Variants in UTRN observed in about 807,000 individuals in gnomAD.
The protein encoded by UTRN is dystrophin-related protein 1.
Under a neutral mutation model 463.9 loss-of-function variants are expected in UTRN, and 283 were observed. The observed-to-expected ratio is 0.61, with a 90% CI of 0.55 to 0.67. UTRN has a LOEUF of 0.67. UTRN is among the 30% of genes least tolerant of loss of function. UTRN has a pLI of 0.00. For synonymous variants in UTRN, 1,442 were observed against 1,431.5 expected, an observed-to-expected ratio of 1.01 and a Z score of -0.17; for missense variants, 3,922 against 4,084.3, an observed-to-expected ratio of 0.96 and a Z score of 1.08.
At chr6:144,700,353 C>T (rs9390198) in intron 53 of UTRN, 110 bp downstream of exon 53, 9 of 1,245,292 alleles carry the variant, frequency 7.2e-6, no homozygotes, top group Non-Finnish European at 8.5e-6. Context: ...ACAGGATTCC[C>T]CCCCCCACCA....
intron 4 of UTRN, 45 bp downstream of exon 4, chr6:144,422,015 T>C (rs745756287): frequency 3.4e-6 from 5 of 1,491,996 alleles, no homozygotes. Context: ...CGGTCATTGC[T>C]GATACTTGAT....
intron 51 of UTRN, among the ~76,000 whole-genome samples, chr6:144,644,564 A>G (rs1436523565): frequency 6.6e-6 from 1 of 152,194 alleles, no homozygotes; most frequent in African/African-American, 2.4e-5. Flanking sequence ...ATTTGGCTAT[A>G]TATTAGTCAT....
chr6:144,842,533 G>A (rs768314104), intron 73 of UTRN, among the ~76,000 whole-genome samples: 14 of 152,172 alleles, frequency 9.2e-5, no homozygotes, highest in Non-Finnish European at 2.1e-4. Context: ...AAGTTGCAGT[G>A]AGTTGAGATC....
Position 144,314,864 on chromosome 6 carries a change from G to A in UTRN, c.79+22957G>A, listed in dbSNP as rs558688216. Reference sequence around the variant, plus strand: ...ACCTGGTATGGTGACTGCTTTCTCAGTGTCCATTTGGTGCCATTTTACATG... The same window carrying A: ...ACCTGGTATGGTGACTGCTTTCTCAATGTCCATTTGGTGCCATTTTACATG... On this transcript the variant is annotated intron_variant, in intron 2 of 74. Transcript: ENST00000367545. Among the ~76,000 whole-genome samples the A allele has an allele frequency of 9.2e-5, 14 of 152,248 alleles. No individual in the cohort carries two copies. In the South Asian group the frequency reaches 2.5e-3, roughly 27 times the overall value.
At chr6:144,536,134 G>A (rs1020773929) in intron 43 of UTRN, among the ~76,000 whole-genome samples, 2 of 152,036 alleles carry the variant, frequency 1.3e-5, no homozygotes, top group African/African-American at 4.8e-5. Context: ...TTTATAATTT[G>A]TTTTTACTCT....
intron 37 of UTRN, among the ~76,000 whole-genome samples, chr6:144,515,446 T>TA (rs1795532925): frequency 6.6e-6 from 1 of 152,166 alleles, no homozygotes; most frequent in South Asian, 2.1e-4. Flanking sequence ...ACACTCTATA[T>TA]ATGTCTTCAC....
At position 144,458,822 on chromosome 6, in the gene UTRN, A is replaced by G. The variant is rs34481184; in HGVS notation, c.2337A>G (p.Glu779=). ...IKNVLEKVSS[E]WKNVSQHLED... ...ATGTTCTGGAGAAGGTTTCATCAGA[A>G]TGGAAGAATGTATCTCAACATTTGG... is the stretch of plus-strand genomic sequence containing the variant. Residue 779 remains glutamate, a synonymous_variant, in exon 20 of 75, where the codon GAA becomes GAG. Transcript: ENST00000367545. 8,771 of 1,612,308 alleles carry G rather than the reference A, an allele frequency of 5.4e-3. 395 individuals are homozygous for G. The African/African-American group carries it at 0.1, about 18-fold the overall frequency.
chr6:144,341,252 TTAC>T (rs1777119078), intron 2 of UTRN, among the ~76,000 whole-genome samples: 1 of 152,248 alleles, frequency 6.6e-6, no homozygotes, highest in African/African-American at 2.4e-5. Context: ...GCCCAAGGCC[TTAC>T]ATCAAAAAAT....
chr6:144,718,808 C>A (rs1786785588), intron 53 of UTRN, among the ~76,000 whole-genome samples: 1 of 152,196 alleles, frequency 6.6e-6, no homozygotes, highest in African/African-American at 2.4e-5. Flanking sequence ...CAGTCTGGCA[C>A]CAGAGTCAGG....
chr6:144,464,267 C>G (rs536188468), intron 23 of UTRN, among the ~76,000 whole-genome samples: 11 of 152,228 alleles, frequency 7.2e-5, no homozygotes, highest in Middle Eastern at 3.4e-3. Flanking sequence ...GAGTGGACCA[C>G]TGAATTTGGA....
chr6:144,318,948 G>A (rs1421913776), intron 2 of UTRN, among the ~76,000 whole-genome samples: 2 of 152,106 alleles, frequency 1.3e-5, no homozygotes, highest in African/African-American at 2.4e-5. Context: ...CAGCACCTGT[G>A]GTCCCAGCTA....
chr6:144,541,510 G>A (rs1288753475), intron 45 of UTRN, among the ~76,000 whole-genome samples: 1 of 152,192 alleles, frequency 6.6e-6, no homozygotes, highest in Non-Finnish European at 1.5e-5. Flanking sequence ...GAATGTCTAA[G>A]ACCAACAATG....
At chr6:144,478,240 G>A (rs1791457897) in intron 25 of UTRN, among the ~76,000 whole-genome samples, 1 of 152,134 alleles carries the variant, frequency 6.6e-6, no homozygotes, top group Non-Finnish European at 1.5e-5. Flanking sequence ...AAAATAGAAA[G>A]TATATATTCT....
chr6:144,706,913 A>G (rs531176488), intron 53 of UTRN: 4 of 152,332 alleles, frequency 2.6e-5, no homozygotes, highest in African/African-American at 9.6e-5. Context: ...GTGAAATTAC[A>G]GCATAAAGAG....
chr6:144,833,521 T>C lies in UTRN; in HGVS notation c.9666-2259T>C, dbSNP rs565779886. ...ATTATTTTTGGGTACTCTGTCTTTA[T>C]AGTTTCTATACTCAGATCTTTTTCA... On this transcript the variant is annotated intron_variant, in intron 69 of 74. Coordinates refer to ENST00000367545, the MANE Select transcript of UTRN (RefSeq NM_007124.3). 3.9e-5 allele frequency among the ~76,000 whole-genome samples: 6 copies of C among 152,366 alleles called. No homozygotes were observed. In the East Asian group the frequency reaches 1.2e-3, roughly 29 times the overall value.
chr6:144,302,620 G>A (rs776979115), intron 2 of UTRN, among the ~76,000 whole-genome samples: 5 of 152,154 alleles, frequency 3.3e-5, no homozygotes, highest in Non-Finnish European at 7.3e-5. Flanking sequence ...TAGATGCTGG[G>A]CTCAGAGATA....
At chr6:144,700,370 G>A in intron 53 of UTRN, 127 bp downstream of exon 53, 17 of 1,063,142 alleles carry the variant, frequency 1.6e-5, no homozygotes, top group Non-Finnish European at 2.2e-5. Flanking sequence ...ACCACCGTCT[G>A]CTTTTAGTTG....
chr6:144,342,338 CACAT>C (rs1777198045), intron 2 of UTRN, among the ~76,000 whole-genome samples: 1 of 112,688 alleles, frequency 8.9e-6, no homozygotes, highest in East Asian at 2.3e-4. Context: ...TCTGGGTACA[CACAT>C]ACACACACAC....
At chr6:144,431,085 A>C (rs1353806323) in intron 9 of UTRN, among the ~76,000 whole-genome samples, 1 of 152,178 alleles carries the variant, frequency 6.6e-6, no homozygotes, top group African/African-American at 2.4e-5. Flanking sequence ...CTAAAAGTAT[A>C]GTTATTATTC....
Sources: gnomAD v4.1 joint callset for allele counts (sites outside exome capture counted in the v4.1 genomes callset) on GRCh38, gnomAD v4.1.1 for gene constraint, MANE v1.5 for transcripts, NCBI Gene and HGNC (gene_info 2026-07-23, HGNC 2026-07-21) for gene names.